Variants in KIAA1549 observed in about 807,000 individuals in gnomAD.
The protein encoded by KIAA1549 is KIAA1549, also known as UPF0606 protein KIAA1549.
KIAA1549 carries 70 observed loss-of-function variants against 156.4 expected under a neutral mutation model. The observed-to-expected ratio is 0.45, with a 90% CI of 0.37 to 0.55. The LOEUF is 0.55. Ranked by LOEUF, KIAA1549 falls within the 20% of genes least tolerant of loss-of-function variation. KIAA1549 has a pLI of 0.00. For synonymous variants in KIAA1549, 1,103 were observed against 1,066.4 expected (o/e 1.03, Z -0.67); for missense variants, 2,428 against 2,540.9 (o/e 0.96, Z 0.96).
At chr7:138,875,424 C>A (rs1448818527) in intron 12 of KIAA1549, among the ~76,000 whole-genome samples, 1 of 151,824 alleles carries the variant, frequency 6.6e-6, no homozygotes, top group Non-Finnish European at 1.5e-5. Context: ...GCAGGAGGAT[C>A]GCTTGAGCCC....
chr7:138,865,451 A>C (rs1810710146), intron 15 of KIAA1549, among the ~76,000 whole-genome samples: 1 of 151,896 alleles, frequency 6.6e-6, no homozygotes, highest in Admixed American at 6.6e-5. Flanking sequence ...AAAAAAAAAA[A>C]CCCTGTACAT....
At chr7:138,956,746 C>T (rs538167028) in intron 1 of KIAA1549, among the ~76,000 whole-genome samples, 1 of 152,280 alleles carries the variant, frequency 6.6e-6, no homozygotes, top group Non-Finnish European at 1.5e-5. Flanking sequence ...ACTGTGAAAA[C>T]GGACTAATAC....
chr7:138,918,785 G>C lies in KIAA1549; in HGVS notation c.841C>G (p.Leu281Val). The part of the protein sequence containing the change: ...ASLTEGVETT[L>V]FLSSRSLMPQ... ...ATTAAAGACCGGGAGCTTAAAAAAA[G>C]GGTGGTTTCCACACCCTCTGTTAGG... Residue 281 changes from leucine (L) to valine (V), a missense_variant, in exon 2 of 20, where the codon CTT becomes GTT. This residue lies in a region of KIAA1549 where 893 missense variants were observed against 847.9 expected (regional missense o/e 1.05). Coordinates refer to ENST00000422774, the MANE Select transcript of KIAA1549 (RefSeq NM_001164665.2). The surrounding 1 kb of genome is among the most constrained non-coding windows in gnomAD (Gnocchi z 4.2). 6.2e-7 allele frequency: 1 copy of C among 1,613,944 alleles called. No homozygotes were observed. Among genetic ancestry groups the C allele is most frequent in the Non-Finnish European group, 8.5e-7 (1 of 1,179,886 alleles).
intron 2 of KIAA1549, among the ~76,000 whole-genome samples, chr7:138,916,229 A>G (rs2130475408): frequency 6.6e-6 from 1 of 152,370 alleles, no homozygotes; most frequent in South Asian, 2.1e-4. Flanking sequence ...GTAAATGAGT[A>G]AGAAATTGCA....
At chr7:138,861,764 G>T (rs1458528166) in intron 15 of KIAA1549, among the ~76,000 whole-genome samples, 1 of 151,774 alleles carries the variant, frequency 6.6e-6, no homozygotes, top group African/African-American at 2.4e-5. Flanking sequence ...CCAGTTACTT[G>T]GGAGGCTGAG....
rs1298860057 is a variant in KIAA1549, at chr7:138,833,788, G to A, written c.*4118C>T. Reference sequence around the variant, plus strand: ...CCTCAGTGTCATTCTCATCATTTTCGTCCTCTTCCCTTGCCTCCCCCACAC... The same window carrying A: ...CCTCAGTGTCATTCTCATCATTTTCATCCTCTTCCCTTGCCTCCCCCACAC... On this transcript the variant is annotated 3_prime_UTR_variant, in exon 20 of 20. Coordinates refer to ENST00000422774, the MANE Select transcript of KIAA1549 (RefSeq NM_001164665.2). The A allele has an allele frequency of 1.3e-5, 3 of 232,852 alleles. No homozygotes were observed. Among genetic ancestry groups the A allele is most frequent in the Admixed American group, 5.6e-5 (1 of 17,758 alleles). 14.4% of individuals were successfully genotyped at this position (232,852 alleles called of 1,614,324 possible).
chr7:138,930,696 T>A (rs942664640), intron 1 of KIAA1549, among the ~76,000 whole-genome samples: 4 of 152,240 alleles, frequency 2.6e-5, no homozygotes, highest in Non-Finnish European at 5.9e-5. Flanking sequence ...AGGCTTTGGC[T>A]TATGGGAATG....
intron 16 of KIAA1549, among the ~76,000 whole-genome samples, chr7:138,859,830 A>G (rs144713353): frequency 1.3e-5 from 2 of 152,316 alleles, no homozygotes; most frequent in East Asian, 3.9e-4. Context: ...CTCCATCTGA[A>G]GCCTGTCCCA....
chr7:138,957,638 C>A (rs975741690), intron 1 of KIAA1549, among the ~76,000 whole-genome samples: 1 of 151,984 alleles, frequency 6.6e-6, no homozygotes, highest in Non-Finnish European at 1.5e-5. Context: ...TCATGACACC[C>A]AGCTAATTCT....
At chr7:138,976,012 A>T (rs1412832848) in intron 1 of KIAA1549, among the ~76,000 whole-genome samples, 1 of 152,216 alleles carries the variant, frequency 6.6e-6, no homozygotes, top group Non-Finnish European at 1.5e-5. Flanking sequence ...TTTCACTCCC[A>T]ACCCAAACAA....
Position 138,903,857 on chromosome 7 carries a change from G to A in KIAA1549, c.3521-121C>T, listed in dbSNP as rs906719257. 60 of 618,246 alleles carry A rather than the reference G, an allele frequency of 9.7e-5. 4 individuals carry two copies. Among genetic ancestry groups the A allele is most frequent in the East Asian group, 6.9e-4 (21 of 30,452 alleles). 38.3% of individuals were successfully genotyped at this position (618,246 alleles called of 1,614,324 possible). A position where few individuals can be genotyped will look rare whatever the true frequency, so the allele number is the denominator to read the frequency against. On this transcript the variant is annotated intron_variant, in intron 7 of 19. Transcript: ENST00000422774. ...TGTGTGTGTGTGTGTGTGTGTGCGCGCGCGCGCGCGCGCACATATGTATTT... is the reference window on the plus strand; with the variant it reads ...TGTGTGTGTGTGTGTGTGTGTGCGCACGCGCGCGCGCGCACATATGTATTT...
At chr7:138,888,329 G>C (rs997160607) in intron 10 of KIAA1549, among the ~76,000 whole-genome samples, 2 of 152,160 alleles carry the variant, frequency 1.3e-5, no homozygotes, top group African/African-American at 2.4e-5. Context: ...ATACTTTCCC[G>C]CACAATTACT....
Position 138,919,434 on chromosome 7 carries a change from C to G in KIAA1549, c.192G>C (p.Glu64Asp). The G allele has an allele frequency of 1.2e-6, 2 of 1,611,754 alleles. No homozygotes were observed. The highest frequency in any genetic ancestry group is 2.2e-5 in the South Asian group (2 of 90,720). ...LARPASCAPDELSPEQHNLSL... is the reference protein window; with the variant it reads ...LARPASCAPDDLSPEQHNLSL... ...AAAGGTTGTGCTGTTCCGGAGAGAG[C>G]TCATCTATCAAGAAAATCAGAGCTG... The change falls in exon 2 of 20, where the codon GAG becomes GAC. Residue 64 changes from glutamate (E) to aspartate (D), a missense_variant. Physicochemically the swap from Glu to Asp is conservative, Grantham distance 45. Transcript: ENST00000422774.
intron 16 of KIAA1549, among the ~76,000 whole-genome samples, chr7:138,856,461 T>C (rs976972691): frequency 2.6e-5 from 4 of 152,296 alleles, no homozygotes; most frequent in South Asian, 2.1e-4. Flanking sequence ...ATCCACTGCA[T>C]TGCACTAGCT....
At chr7:138,933,619 T>C (rs1464283558) in intron 1 of KIAA1549, among the ~76,000 whole-genome samples, 1 of 152,230 alleles carries the variant, frequency 6.6e-6, no homozygotes, top group East Asian at 1.9e-4. Context: ...GGAAGCTGAA[T>C]GAAGGGTATA....
At chr7:138,920,846 T>C (rs1812545733) in intron 1 of KIAA1549, among the ~76,000 whole-genome samples, 1 of 152,250 alleles carries the variant, frequency 6.6e-6, no homozygotes, top group African/African-American at 2.4e-5. Flanking sequence ...AAGTAAGTCA[T>C]TTCTATTCTG....
chr7:138,941,000 G>A (rs1813167776), intron 1 of KIAA1549, among the ~76,000 whole-genome samples: 1 of 151,944 alleles, frequency 6.6e-6, no homozygotes, highest in African/African-American at 2.4e-5. Flanking sequence ...CTTTTGCTGT[G>A]CAGAAGCTCT....
At chr7:138,883,272 C>G (rs1358878010) in intron 10 of KIAA1549, among the ~76,000 whole-genome samples, 1 of 56,318 alleles carries the variant, frequency 1.8e-5, no homozygotes, top group Non-Finnish European at 3.6e-5. Flanking sequence ...GACTCCATCT[C>G]AAAAAAAAAA....
intron 10 of KIAA1549, among the ~76,000 whole-genome samples, chr7:138,891,157 C>A (rs1360558310): frequency 2.0e-5 from 3 of 152,234 alleles, no homozygotes; most frequent in African/African-American, 7.2e-5. Context: ...CCCTGGAATG[C>A]AGAGATCGCG....
Sources: gnomAD v4.1 joint callset for allele counts (sites outside exome capture counted in the v4.1 genomes callset) on GRCh38, gnomAD v4.1.1 for gene constraint, gnomAD v4.1.1 regional missense constraint, Gnocchi (gnomAD v3.1) non-coding constraint, MANE v1.5 for transcripts, NCBI Gene and HGNC (gene_info 2026-07-23, HGNC 2026-07-21) for gene names.